Variants in CFAP74 observed in about 807,000 individuals in gnomAD.
CFAP74 encodes the protein cilia- and flagella-associated protein 74.
Under a neutral mutation model 188.9 loss-of-function variants are expected in CFAP74, and 124 were observed. The observed-to-expected ratio is 0.66, with a 90% CI of 0.57 to 0.76. The LOEUF is 0.76. Among genes scored for constraint, CFAP74 ranks in the 30% least tolerant of loss-of-function variants. The probability of loss-of-function intolerance (pLI) is 0.00; values close to 1 mark genes in which losing one functional copy is unlikely to be tolerated. For synonymous variants in CFAP74, 956 were observed against 916.7 expected (o/e 1.04, Z -0.77); for missense variants, 2,198 against 2,165.2 (o/e 1.02, Z -0.30).
intron 26 of CFAP74, among the ~76,000 whole-genome samples, chr1:1,929,649 T>G (rs916215858): frequency 6.6e-6 from 1 of 151,900 alleles, no homozygotes; most frequent in African/African-American, 2.4e-5. Context: ...CAGAGCTTTC[T>G]GCTCTGCAGG....
intron 25 of CFAP74, among the ~76,000 whole-genome samples, chr1:1,931,157 T>C (rs1234381289): frequency 1.3e-5 from 2 of 152,116 alleles, no homozygotes; most frequent in Non-Finnish European, 2.9e-5. Context: ...AAGGCTGGCA[T>C]GGTGGCTCAC....
In CFAP74 at chr1:1,956,512, C is replaced by T. The variant is rs111698605; in HGVS notation, c.2016+108G>A. 686 of 1,387,186 alleles carry T rather than the reference C, an allele frequency of 4.9e-4. No homozygotes were observed. In the African/African-American group the frequency reaches 6.2e-3, roughly 13 times the overall value. The allele number at this position is 1,387,186 out of a possible 1,614,324, so 85.9% of individuals were successfully genotyped here. ...GAGGCCCCCACACTGCCCTCCTTCT[C>T]CCAGGCCCACTGTTGATACCCTCAT... is the stretch of plus-strand genomic sequence containing the variant. On this transcript the variant is annotated intron_variant, in intron 17 of 38. Transcript: ENST00000682832.
At position 1,965,059 on chromosome 1, in the gene CFAP74, C is replaced by T. The variant is rs1466318063; in HGVS notation, c.1404G>A (p.Val468=). 2 of 1,611,606 alleles carry T rather than the reference C, an allele frequency of 1.2e-6. No individual in the cohort carries two copies. Among genetic ancestry groups the T allele is most frequent in the East Asian group, 2.2e-5 (1 of 44,818 alleles). ...LWNEDYKPYQ[V]PKEDVDRKPV... is the part of the protein sequence containing the mutation. The stretch of plus-strand genomic sequence containing the variant: ...GCTTTCGGTCCACGTCCTCCTTGGG[C>T]ACCTGGGGGTCACAGAGACAGAGGC... Residue 468 remains valine (V), a splice_region_variant and synonymous_variant, in exon 13 of 39, where the codon GTG becomes GTA. Coordinates refer to ENST00000682832, the MANE Select transcript of CFAP74 (RefSeq NM_001304360.2).
intron 25 of CFAP74, among the ~76,000 whole-genome samples, chr1:1,934,208 GTGTA>G (rs2102038421): frequency 6.6e-6 from 1 of 152,364 alleles, no homozygotes; most frequent in East Asian, 1.9e-4. Context: ...GTAGAAGTGT[GTGTA>G]TGTGTGAGTG....
In CFAP74 at chr1:1,923,530, C is replaced by A. The variant is rs1372321109; in HGVS notation, c.4390-31G>T. The A allele has an allele frequency of 1.3e-6, 2 of 1,595,178 alleles. No individual in the cohort carries two copies. The highest frequency in any genetic ancestry group is 8.6e-7 in the Non-Finnish European group (1 of 1,166,922). ...GACAAGAAGTGGAGTGGCCTTGTCC[C>A]CGAAGCTCGGCGGCAGGGGTCCTGC... is the stretch of plus-strand genomic sequence containing the variant. On this transcript the variant is annotated intron_variant, in intron 35 of 38. Coordinates refer to ENST00000682832, the MANE Select transcript of CFAP74 (RefSeq NM_001304360.2). This position sits in a 1 kb window ranked among gnomAD's most constrained non-coding sequence, Gnocchi z 6.3.
At chr1:1,938,776 T>G in intron 25 of CFAP74, 79 bp downstream of exon 25, 1 of 1,454,412 alleles carries the variant, frequency 6.9e-7, no homozygotes, top group Non-Finnish European at 9.2e-7. Flanking sequence ...GGGGCGGGGA[T>G]GTGGTGGAGC....
At chr1:1,940,850 C>A (rs1213774253) in intron 22 of CFAP74, among the ~76,000 whole-genome samples, 1 of 152,198 alleles carries the variant, frequency 6.6e-6, no homozygotes, top group African/African-American at 2.4e-5. Context: ...CGGTGGCTCA[C>A]GCCTGTAATC....
intron 1 of CFAP74, among the ~76,000 whole-genome samples, chr1:1,997,050 C>A (rs987178479): frequency 6.6e-6 from 1 of 151,978 alleles, no homozygotes; most frequent in African/African-American, 2.4e-5. Context: ...CCCTTAAGAC[C>A]GAGAACAAAA....
At chr1:1,976,507 A>G (rs560406337) in intron 6 of CFAP74, among the ~76,000 whole-genome samples, 30 of 151,908 alleles carry the variant, frequency 2.0e-4, no homozygotes, top group Admixed American at 6.6e-5. Context: ...TTCCCTGTAC[A>G]GCCTGCAGAA....
rs529287069 is a variant in CFAP74 at position 1,993,948 on chromosome 1, C to G, written c.-19-2973G>C. On this transcript the variant is annotated intron_variant, in intron 1 of 38. Transcript: ENST00000682832. ...AGTGAGCCGAGATCACACCACTGCA[C>G]TCCAGCCTGGGCGACAGAGCAAGAC... Among the ~76,000 whole-genome samples the G allele has an allele frequency of 1.7e-4, 26 of 151,062 alleles. No individual in the cohort carries two copies. The South Asian group carries it at 1.9e-3, about 11-fold the overall frequency.
chr1:1,934,809 A>G (rs1204264160), intron 25 of CFAP74, among the ~76,000 whole-genome samples: 1 of 133,866 alleles, frequency 7.5e-6, no homozygotes, highest in African/African-American at 2.9e-5. Flanking sequence ...ACACGTGTGT[A>G]TGTGGGTGTT....
rs139950405 is a variant in CFAP74 at position 1,943,385 on chromosome 1, C to T, written c.2486+946G>A. On this transcript the variant is annotated intron_variant, in intron 21 of 38. Transcript: ENST00000682832. ...GGCCCATGCCGGGCCCACAGGAGTC[C>T]GACAGCAGGAGGACAGGCGCCGCGG... Among the ~76,000 whole-genome samples the T allele has an allele frequency of 3.1e-3, 469 of 152,306 alleles. 5 individuals are homozygous for T. Among genetic ancestry groups the T allele is most frequent in the African/African-American group, 0.011 (450 of 41,564 alleles).
intron 18 of CFAP74, chr1:1,954,912 T>C (rs1228173754): frequency 2.0e-4 from 230 of 1,167,078 alleles, no homozygotes; most frequent in Middle Eastern, 3.9e-4. Context: ...AGAACGGCCT[T>C]CGCAACAGTG....
At chr1:1,937,711 G>C (rs1652995074) in intron 25 of CFAP74, among the ~76,000 whole-genome samples, 1 of 152,092 alleles carries the variant, frequency 6.6e-6, no homozygotes, top group African/African-American at 2.4e-5. Context: ...ACCCACGCAG[G>C]ACCACCAGCC....
chr1:1,951,643 G>A (rs780867959), intron 18 of CFAP74, among the ~76,000 whole-genome samples: 3 of 152,150 alleles, frequency 2.0e-5, no homozygotes, highest in Admixed American at 6.5e-5. Context: ...CCATATAAAC[G>A]TTATAATCAC....
intron 20 of CFAP74, among the ~76,000 whole-genome samples, chr1:1,945,467 G>A (rs1271812255): frequency 6.6e-6 from 1 of 152,146 alleles, no homozygotes; most frequent in Non-Finnish European, 1.5e-5. Flanking sequence ...GCCTCAACCT[G>A]GGACAGGCAA....
At chr1:1,943,548 C>T (rs1420630295) in intron 21 of CFAP74, among the ~76,000 whole-genome samples, 2 of 152,230 alleles carry the variant, frequency 1.3e-5, no homozygotes, top group Non-Finnish European at 2.9e-5. Flanking sequence ...GGCCCAGCCT[C>T]GCCGTCCCTC....
intron 18 of CFAP74, among the ~76,000 whole-genome samples, chr1:1,947,564 G>C (rs560648071): frequency 3.0e-4 from 46 of 152,364 alleles, no homozygotes; most frequent in African/African-American, 8.2e-4. Flanking sequence ...CAAGGCCCCG[G>C]GTAGCAGAGC....
In CFAP74 at chr1:1,966,440, G is replaced by A; in HGVS notation, c.1332C>T (p.Ser444=). The change falls in exon 12 of 39, where the codon AGC becomes AGT. Residue 444 remains serine, a synonymous_variant. Transcript: ENST00000682832. Reference sequence around the variant, plus strand: ...GCTCAGCTAACGTTTCCTCCTCTGAGCTGGCCCCGGGGTCCCCCTGGATAA... The same window carrying A: ...GCTCAGCTAACGTTTCCTCCTCTGAACTGGCCCCGGGGTCCCCCTGGATAA... ...SELIQGDPGA[S]SEEETLAEPE... is the part of the protein sequence containing the mutation. 2 of 1,606,818 alleles carry A rather than the reference G, an allele frequency of 1.2e-6. No homozygotes were observed. Among genetic ancestry groups the A allele is most frequent in the African/African-American group, 1.3e-5 (1 of 74,698 alleles).
Sources: allele counts gnomAD v4.1 joint callset (sites outside exome capture counted in the v4.1 genomes callset), GRCh38; gene constraint gnomAD v4.1.1; non-coding constraint Gnocchi (gnomAD v3.1); transcripts MANE v1.5; gene names NCBI Gene and HGNC (gene_info 2026-07-23, HGNC 2026-07-21).